The following RFFL variants were observed in gnomAD, a reference collection of about 807,000 sequenced individuals.
RFFL encodes the protein E3 ubiquitin-protein ligase rififylin.
RFFL carries 16 observed loss-of-function variants against 40.4 expected under a neutral mutation model. The ratio of observed to expected loss-of-function variants is 0.40; its 90% CI spans 0.27 to 0.60. RFFL has a LOEUF of 0.60. Ranked by LOEUF, RFFL falls within the 20% of genes least tolerant of loss-of-function variation. The pLI is 0.47. For synonymous variants in RFFL, 154 were observed against 167.9 expected (o/e 0.92, Z 0.64); for missense variants, 367 against 451.7 (o/e 0.81, Z 1.70).
At chr17:35,018,441 T>C (rs565526395) in intron 3 of RFFL, among the ~76,000 whole-genome samples, 6 of 152,304 alleles carry the variant, frequency 3.9e-5, no homozygotes, top group African/African-American at 1.4e-4. Flanking sequence ...CCTAATTCCA[T>C]CACCATTTAA....
chr17:35,029,876 G>A (rs555508819), intron 1 of RFFL, among the ~76,000 whole-genome samples: 2 of 137,250 alleles, frequency 1.5e-5, no homozygotes, highest in South Asian at 2.3e-4. Context: ...AGAGTATGAT[G>A]TTCCCCTTCC....
At chr17:35,024,063 A>C (rs945516505) in intron 2 of RFFL, among the ~76,000 whole-genome samples, 1 of 152,196 alleles carries the variant, frequency 6.6e-6, no homozygotes, top group African/African-American at 2.4e-5. Context: ...TGAAAGATGA[A>C]TTAGTGGAGG....
At position 35,016,444 on chromosome 17, in the gene RFFL, C is replaced by T; in HGVS notation, c.812G>A (p.Gly271Asp). The T allele has an allele frequency of 6.2e-7, 1 of 1,614,204 alleles. No individual in the cohort carries two copies. Among genetic ancestry groups the T allele is most frequent in the African/African-American group, 1.3e-5 (1 of 75,066 alleles). The change falls in exon 5 of 7, where the codon GGC becomes GAC. Residue 271 changes from glycine (G) to aspartate (D), a missense_variant. Gly to Asp is a moderately conservative substitution (Grantham distance 94). Transcript: ENST00000394597. ...CATCAGCTCCCACTTCTCACAGCAG[C>T]CCTTGTAGTTGACAAAGTTGCGAGC... ...ILARNFVNYK[G>D]CCEKWELMER...
At chr17:35,022,465 G>A (rs907857254) in intron 2 of RFFL, among the ~76,000 whole-genome samples, 5 of 152,140 alleles carry the variant, frequency 3.3e-5, no homozygotes, top group Non-Finnish European at 5.9e-5. Context: ...TTCTCAAAGC[G>A]ACATTGCAAA....
At chr17:35,041,590 G>C (rs1056444197) in intron 1 of RFFL, among the ~76,000 whole-genome samples, 1 of 90,124 alleles carries the variant, frequency 1.1e-5, no homozygotes, top group Non-Finnish European at 1.9e-5. Flanking sequence ...CCGAAAGGTA[G>C]TGTGACCTTT....
intron 2 of RFFL, chr17:35,025,335 G>A (rs188678178): frequency 3.9e-5 from 6 of 152,258 alleles, no homozygotes; most frequent in Non-Finnish European, 7.4e-5. Flanking sequence ...GTGATCTTGA[G>A]CACTACTGAA....
At chr17:35,051,037 T>C (rs2091228989) in intron 1 of RFFL, among the ~76,000 whole-genome samples, 1 of 152,208 alleles carries the variant, frequency 6.6e-6, no homozygotes, top group Non-Finnish European at 1.5e-5. Flanking sequence ...CCCATTGTTA[T>C]TTAAAAAAAT....
chr17:35,007,661 C>T lies in RFFL; in HGVS notation c.*4307G>A, dbSNP rs2090904403. ...TGCATTCTCAGTAGTCTTTTCCCTGCTCCTTGGGCGCCTGGTCAGGGAGGT... is the reference window on the plus strand; with the variant it reads ...TGCATTCTCAGTAGTCTTTTCCCTGTTCCTTGGGCGCCTGGTCAGGGAGGT... On this transcript the variant is annotated 3_prime_UTR_variant, in exon 7 of 7. Transcript: ENST00000394597. The T allele has an allele frequency of 6.6e-6, 1 of 152,268 alleles. No individual in the cohort carries two copies. Among genetic ancestry groups the T allele is most frequent in the Admixed American group, 6.5e-5 (1 of 15,288 alleles). 9.4% of individuals were successfully genotyped at this position (152,268 alleles called of 1,614,324 possible). A position where few individuals can be genotyped will look rare whatever the true frequency, so the allele number is the denominator to read the frequency against.
intron 1 of RFFL, among the ~76,000 whole-genome samples, chr17:35,044,101 A>G (rs1242946364): frequency 6.6e-6 from 1 of 152,090 alleles, no homozygotes; most frequent in Non-Finnish European, 1.5e-5. Context: ...TATTTCATTG[A>G]TTCATTTATT....
rs771541570 is a variant in RFFL at position 35,021,695 on chromosome 17, T to C, written c.267A>G (p.Gln89=). 34 of 1,614,128 alleles carry C rather than the reference T, an allele frequency of 2.1e-5. No individual in the cohort carries two copies. The highest frequency in any genetic ancestry group is 6.7e-5 in the East Asian group (3 of 44,896). Residue 89 remains glutamine, a synonymous_variant, in exon 3 of 7, where the codon CAA becomes CAG. Coordinates refer to ENST00000394597, the MANE Select transcript of RFFL (RefSeq NM_001017368.2). The stretch of plus-strand genomic sequence containing the variant: ...GCTGAAAGGCTGTAGCTCGAAACCG[T>C]TGGCAGAGAAGGCAGAGGCGGGGCC... ...GNGPRLCLLC[Q]RFRATAFQRE...
intron 1 of RFFL, among the ~76,000 whole-genome samples, chr17:35,087,267 C>A (rs1426278122): frequency 6.6e-6 from 1 of 151,928 alleles, no homozygotes; most frequent in African/African-American, 2.4e-5. Context: ...GGGAGAGTCA[C>A]CTAAGCCTAG....
chr17:35,016,672 T>A, intron 4 of RFFL, 92 bp from the exon 5 acceptor site: 2 of 998,606 alleles, frequency 2.0e-6, no homozygotes, highest in Non-Finnish European at 3.1e-6. Context: ...CATCATAATT[T>A]TGGTGACTGA....
At position 35,048,139 on chromosome 17, in the gene RFFL, A is replaced by G. The variant is rs370154775; in HGVS notation, c.-9+15437T>C. On this transcript the variant is annotated intron_variant, in intron 1 of 6. Transcript: ENST00000394597. ...ATTTAGGGGCCGGGCACGGTGGCTCATGCCTGTAATCCCAGAACTTTGGGA... is the reference window on the plus strand; with the variant it reads ...ATTTAGGGGCCGGGCACGGTGGCTCGTGCCTGTAATCCCAGAACTTTGGGA... Among the ~76,000 whole-genome samples the G allele has an allele frequency of 5.3e-5, 8 of 152,154 alleles. 1 individual carries two copies. The highest frequency in any genetic ancestry group is 2.1e-4 in the South Asian group (1 of 4,818).
intron 2 of RFFL, chr17:35,025,484 CT>C (rs1162830000): frequency 6.6e-6 from 1 of 152,176 alleles, no homozygotes; most frequent in Non-Finnish European, 1.5e-5. Context: ...ATTCTAAAAC[CT>C]ATATCATAGC....
At position 35,008,833 on chromosome 17, in the gene RFFL, G is replaced by T. The variant is rs1290219151; in HGVS notation, c.*3135C>A. ...TTTTTAGTAGAGACGGGGTTTCACC[G>T]TGTTAGCCAGGGTGGTCTCGATCTC... is the stretch of plus-strand genomic sequence containing the variant. On this transcript the variant is annotated 3_prime_UTR_variant, in exon 7 of 7. Transcript: ENST00000394597. 1.3e-5 allele frequency: 2 copies of T among 152,080 alleles called. No individual in the cohort carries two copies. The highest frequency in any genetic ancestry group is 2.9e-5 in the Non-Finnish European group (2 of 68,060). 9.4% of individuals were successfully genotyped at this position (152,080 alleles called of 1,614,324 possible). A position where few individuals can be genotyped will look rare whatever the true frequency, so the allele number is the denominator to read the frequency against.
At chr17:35,027,851 G>A (rs2091053599) in intron 1 of RFFL, among the ~76,000 whole-genome samples, 1 of 151,962 alleles carries the variant, frequency 6.6e-6, no homozygotes, top group South Asian at 2.1e-4. Context: ...TAGCCAACAT[G>A]GTGAAACCCT....
chr17:35,029,102 C>T (rs985301717), intron 1 of RFFL, among the ~76,000 whole-genome samples: 3 of 152,000 alleles, frequency 2.0e-5, no homozygotes, highest in African/African-American at 7.3e-5. Flanking sequence ...TTCTCTCTGA[C>T]TCAATATAAC....
At chr17:35,074,546 G>A (rs186557797) in intron 1 of RFFL, among the ~76,000 whole-genome samples, 236 of 152,218 alleles carry the variant, frequency 1.6e-3, no homozygotes, top group Middle Eastern at 0.014. Flanking sequence ...CTTGACAGCT[G>A]GAATACTTGG....
chr17:35,014,561 C>T lies in RFFL; in HGVS notation c.910+179G>A, dbSNP rs143090808. ...ATGCTCCACTCTGCTTCCTGCACAG[C>T]GAGCAGAGAGAATTTCTAAAGATGG... On this transcript the variant is annotated intron_variant, in intron 6 of 6. Coordinates refer to ENST00000394597, the MANE Select transcript of RFFL (RefSeq NM_001017368.2). Among the ~76,000 whole-genome samples the T allele has an allele frequency of 7.9e-5, 12 of 152,286 alleles. No individual in the cohort carries two copies. In the East Asian group the frequency reaches 1.9e-3, roughly 25 times the overall value.
Sources: allele counts gnomAD v4.1 joint callset (sites outside exome capture counted in the v4.1 genomes callset), GRCh38; gene constraint gnomAD v4.1.1; transcripts MANE v1.5; gene names NCBI Gene and HGNC (gene_info 2026-07-23, HGNC 2026-07-21).